Variants in GRIN3A observed in about 807,000 individuals in gnomAD.
GRIN3A encodes the protein glutamate ionotropic receptor NMDA type subunit 3A.
GRIN3A carries 47 observed loss-of-function variants against 92.4 expected under a neutral mutation model. The ratio of observed to expected loss-of-function variants is 0.51; its 90% CI spans 0.40 to 0.65. GRIN3A has a LOEUF of 0.65. Among genes scored for constraint, GRIN3A ranks in the 30% least tolerant of loss-of-function variants. The pLI, the probability that GRIN3A is intolerant of heterozygous loss-of-function variation, is 0.00. For missense variants in GRIN3A, 1,324 were observed against 1,393.1 expected (o/e 0.95, Z 0.79); for synonymous variants, 527 against 540.6 (o/e 0.97, Z 0.35).
intron 3 of GRIN3A, among the ~76,000 whole-genome samples, chr9:101,655,255 G>A (rs752568155): frequency 1.3e-5 from 2 of 151,796 alleles, no homozygotes; most frequent in Non-Finnish European, 2.9e-5. Flanking sequence ...CTGCCTATTA[G>A]TCATTTGGTA....
intron 1 of GRIN3A, among the ~76,000 whole-genome samples, chr9:101,704,889 AC>A (rs1829794382): frequency 6.6e-6 from 1 of 152,092 alleles, no homozygotes; most frequent in African/African-American, 2.4e-5. Context: ...TTGGGTTGTA[AC>A]CTTTTTGTAT....
intron 4 of GRIN3A, among the ~76,000 whole-genome samples, chr9:101,625,718 TAA>T (rs1828624633): frequency 6.6e-6 from 1 of 152,152 alleles, no homozygotes; most frequent in South Asian, 2.1e-4. Context: ...TAGAAGTTGA[TAA>T]GGAATCTTAA....
intron 3 of GRIN3A, among the ~76,000 whole-genome samples, chr9:101,656,173 T>C (rs1045063633): frequency 1.3e-5 from 2 of 151,992 alleles, no homozygotes; most frequent in African/African-American, 4.8e-5. Flanking sequence ...TGAAATTCTT[T>C]AGAGGATAGA....
chr9:101,630,165 C>T (rs903015830), intron 3 of GRIN3A, among the ~76,000 whole-genome samples: 6 of 152,136 alleles, frequency 3.9e-5, no homozygotes, highest in African/African-American at 1.4e-4. Context: ...TGTAGCTTCA[C>T]CCTCCTACCC....
chr9:101,581,802 T>G (rs1475514259), intron 6 of GRIN3A, among the ~76,000 whole-genome samples: 1 of 152,240 alleles, frequency 6.6e-6, no homozygotes, highest in Non-Finnish European at 1.5e-5. Context: ...CTAAGGAGCC[T>G]GGGTGTTATC....
At chr9:101,718,599 T>A (rs1829974283) in intron 1 of GRIN3A, among the ~76,000 whole-genome samples, 1 of 152,174 alleles carries the variant, frequency 6.6e-6, no homozygotes, top group Non-Finnish European at 1.5e-5. Context: ...TTTGGCAGAG[T>A]GTAGGTGATT....
Position 101,670,854 on chromosome 9 carries a change from G to C in GRIN3A, c.1558C>G (p.Leu520Val). Residue 520 changes from leucine to valine, a missense_variant, in exon 3 of 9, where the codon CTG (leucine) becomes GTG (valine). Transcript: ENST00000361820. ...PSKLHLRVVT[L>V]IEHPFVFTRE... ...GTGAAGACAAAAGGATGCTCAATCA[G>C]GGTAACCACTCTCAAGTGTAGCTTA... 1 of 1,613,766 alleles carries C rather than the reference G, an allele frequency of 6.2e-7. No individual in the cohort carries two copies. The highest frequency in any genetic ancestry group is 1.1e-5 in the South Asian group (1 of 91,074).
chr9:101,587,914 T>C (rs562557157), intron 6 of GRIN3A, among the ~76,000 whole-genome samples: 4 of 152,340 alleles, frequency 2.6e-5, no homozygotes, highest in African/African-American at 9.6e-5. Context: ...ACCTGGTATC[T>C]ATTTTATTTA....
Position 101,650,147 on chromosome 9 carries a change from T to C in GRIN3A, c.2352+19913A>G, listed in dbSNP as rs559740125. On this transcript the variant is annotated intron_variant, in intron 3 of 8. Coordinates refer to ENST00000361820, the MANE Select transcript of GRIN3A (RefSeq NM_133445.3). Reference sequence around the variant, plus strand: ...CCTATACATTTCCTCCCAACAACCATAGCATATCAGGAAGGAGGAATTGTT... The same window carrying C: ...CCTATACATTTCCTCCCAACAACCACAGCATATCAGGAAGGAGGAATTGTT... Among the ~76,000 whole-genome samples the C allele has an allele frequency of 8.3e-4, 126 of 152,152 alleles. 3 individuals are homozygous for C. Among genetic ancestry groups the C allele is most frequent in the Admixed American group, 6.8e-3 (104 of 15,276 alleles).
intron 1 of GRIN3A, among the ~76,000 whole-genome samples, chr9:101,727,985 A>G (rs1279737274): frequency 1.3e-5 from 2 of 151,820 alleles, no homozygotes; most frequent in African/African-American, 2.4e-5. Context: ...TGTATCAGCA[A>G]CACAATAACA....
chr9:101,622,995 A>AACACACACAC (rs5899450), intron 5 of GRIN3A, among the ~76,000 whole-genome samples: 24,453 of 147,352 alleles, frequency 0.17, 2,128 homozygotes, highest in Non-Finnish European at 0.2. Flanking sequence ...CCTGCCACTA[A>AACACACACAC]ACACACACAC....
chr9:101,703,482 CTA>C (rs1829778016), intron 1 of GRIN3A, among the ~76,000 whole-genome samples: 6 of 152,332 alleles, frequency 3.9e-5, no homozygotes, highest in Admixed American at 3.9e-4. Flanking sequence ...TTTTATGACA[CTA>C]TTTTATCTTC....
intron 8 of GRIN3A, among the ~76,000 whole-genome samples, chr9:101,575,369 A>T (rs1827812838): frequency 6.6e-6 from 1 of 152,248 alleles, no homozygotes; most frequent in South Asian, 2.1e-4. Context: ...TTCCTATTGA[A>T]TTTGAATAAT....
At chr9:101,619,767 GT>G (rs1392755751) in intron 5 of GRIN3A, among the ~76,000 whole-genome samples, 7 of 152,214 alleles carry the variant, frequency 4.6e-5, no homozygotes, top group Non-Finnish European at 1.0e-4. Context: ...TTATTGTGCA[GT>G]TACGTTACTC....
intron 1 of GRIN3A, among the ~76,000 whole-genome samples, chr9:101,695,960 A>G (rs919757320): frequency 2.6e-5 from 4 of 152,092 alleles, no homozygotes; most frequent in South Asian, 4.1e-4. Context: ...TTGCTATGTC[A>G]CTGTGCCTAC....
intron 6 of GRIN3A, among the ~76,000 whole-genome samples, chr9:101,597,335 A>G (rs111854289): frequency 0.01 from 1,536 of 152,222 alleles, 29 homozygotes; most frequent in African/African-American, 0.035. Context: ...GGGGCTGGGT[A>G]GGAAGAGCAG....
chr9:101,595,319 CT>C lies in GRIN3A; in HGVS notation c.2767-15960del, dbSNP rs35592131. Among the ~76,000 whole-genome samples, 926 of 146,836 alleles carry C rather than the reference CT, an allele frequency of 6.3e-3. 6 individuals carry two copies. Among genetic ancestry groups the C allele is most frequent in the African/African-American group, 0.02 (797 of 39,910 alleles). The stretch of plus-strand genomic sequence containing the variant: ...TGGCAATTATTTTATCTACTTATTT[CT>C]TTTTTTTTTTTCTCTGAGAAAGTAA... On this transcript the variant is annotated intron_variant, in intron 6 of 8. Coordinates refer to ENST00000361820, the MANE Select transcript of GRIN3A (RefSeq NM_133445.3).
chr9:101,614,751 C>G (rs111498890), intron 5 of GRIN3A, among the ~76,000 whole-genome samples: 2 of 145,116 alleles, frequency 1.4e-5, no homozygotes, highest in African/African-American at 4.9e-5. Context: ...CCCCAAGTAG[C>G]TGGAACCACA....
At chr9:101,648,411 C>T (rs62577436) in intron 3 of GRIN3A, among the ~76,000 whole-genome samples, 5,471 of 152,044 alleles carry the variant, frequency 0.036, 135 homozygotes, top group Middle Eastern at 0.061. Context: ...GTTCCATGTG[C>T]TATTAGGAAA....
Sources: allele counts gnomAD v4.1 joint callset (sites outside exome capture counted in the v4.1 genomes callset), GRCh38; gene constraint gnomAD v4.1.1; transcripts MANE v1.5; gene names NCBI Gene and HGNC (gene_info 2026-07-23, HGNC 2026-07-21).